Variants in NEK4 observed in about 807,000 individuals in gnomAD.
NEK4 encodes serine/threonine-protein kinase Nek4.
Under a neutral mutation model 98.4 loss-of-function variants are expected in NEK4, and 86 were observed. That is an observed-to-expected ratio of 0.87 (90% CI 0.73 to 1.05). NEK4 has a LOEUF of 1.05. Ranked by LOEUF, NEK4 falls within the 50% of genes least tolerant of loss-of-function variation. The probability of loss-of-function intolerance (pLI) is 0.00; values close to 1 mark genes in which losing one functional copy is unlikely to be tolerated. For missense variants in NEK4, 898 were observed against 950.3 expected, an observed-to-expected ratio of 0.94 and a Z score of 0.72; for synonymous variants, 328 against 342.2, an observed-to-expected ratio of 0.96 and a Z score of 0.46.
In NEK4 at chr3:52,710,316, G is replaced by A. The variant is rs2097349146; in HGVS notation, c.*1461C>T. 1 of 151,398 alleles carries A rather than the reference G, an allele frequency of 6.6e-6. No homozygotes were observed. The highest frequency in any genetic ancestry group is 6.6e-5 in the Admixed American group (1 of 15,220). 9.4% of individuals were successfully genotyped at this position (151,398 alleles called of 1,614,324 possible). ...GGAGGCGGAGCTTGCAGTGATCTGA[G>A]ATTGGGCCACTGCACTTCAGCCTGG... On this transcript the variant is annotated 3_prime_UTR_variant, in exon 16 of 16. Coordinates refer to ENST00000233027, the MANE Select transcript of NEK4 (RefSeq NM_003157.6).
chr3:52,756,079 T>C (rs2097414612), intron 6 of NEK4, among the ~76,000 whole-genome samples: 1 of 152,214 alleles, frequency 6.6e-6, no homozygotes, highest in African/African-American at 2.4e-5. Context: ...TGTTCATGGA[T>C]TGAAAGACTT....
intron 11 of NEK4, 93 bp downstream of exon 11, chr3:52,744,146 A>G (rs1226620197): frequency 2.3e-6 from 2 of 867,080 alleles, no homozygotes; most frequent in Admixed American, 1.9e-5. Flanking sequence ...CTGCTGCTGG[A>G]AAGTTTCAAC....
At position 52,770,645 on chromosome 3, in the gene NEK4, C is replaced by A; in HGVS notation, c.93+9G>T. The A allele has an allele frequency of 1.3e-6, 2 of 1,547,794 alleles. No homozygotes were observed. The highest frequency in any genetic ancestry group is 1.7e-6 in the Non-Finnish European group (2 of 1,145,896). ...CCCCCGCCCCTTGCCGGGCCCCACC[C>A]CTGCAGACCTGCTTGCCGTCCCGCC... On this transcript the variant is annotated intron_variant, in intron 1 of 15. Coordinates refer to ENST00000233027, the MANE Select transcript of NEK4 (RefSeq NM_003157.6).
At position 52,753,933 on chromosome 3, in the gene NEK4, T is replaced by C. The variant is rs569176805; in HGVS notation, c.964-1597A>G. 1.2e-3 allele frequency: 368 copies of C among 302,336 alleles called. 1 individual carries two copies. The highest frequency in any genetic ancestry group is 7.4e-3 in the African/African-American group (336 of 45,132). The allele number at this position is 302,336 out of a possible 1,614,324, so 18.7% of individuals were successfully genotyped here. On this transcript the variant is annotated intron_variant, in intron 6 of 15. Coordinates refer to ENST00000233027, the MANE Select transcript of NEK4 (RefSeq NM_003157.6). ...ACCTATAATCCCAGCACTTTGAGAG[T>C]CCGAGGCGGTGGAGCACTCAGGAGT... is the stretch of plus-strand genomic sequence containing the variant.
chr3:52,754,803 G>A (rs143302658), intron 6 of NEK4: 190 of 316,328 alleles, frequency 6.0e-4, no homozygotes, highest in African/African-American at 3.8e-3. Flanking sequence ...GCCGGGCACC[G>A]TGGCTCATGC....
At chr3:52,722,168 C>T (rs1029118102) in intron 15 of NEK4, among the ~76,000 whole-genome samples, 1 of 152,196 alleles carries the variant, frequency 6.6e-6, no homozygotes, top group Non-Finnish European at 1.5e-5. Flanking sequence ...GACTTCCCCA[C>T]CTTAAGGTAG....
chr3:52,741,646 CAT>C (rs972572782), intron 12 of NEK4, 147 bp from the exon 13 acceptor site: 2 of 514,930 alleles, frequency 3.9e-6, no homozygotes, highest in African/African-American at 3.9e-5. Flanking sequence ...AAATTGTTCC[CAT>C]ATGATTTGTG....
rs758914896 is a variant in NEK4 at position 52,760,791 on chromosome 3, G to A, written c.963+4C>T. On this transcript the variant is annotated splice_donor_region_variant and intron_variant, in intron 6 of 15. Transcript: ENST00000233027. ...AAACACATACCCTTTAAAAAGAAAC[G>A]TACCATTATATATGTCTGGGAGCCC... 1.3e-5 allele frequency: 21 copies of A among 1,595,520 alleles called. No homozygotes were observed. The highest frequency in any genetic ancestry group is 4.1e-5 in the African/African-American group (3 of 73,920).
At chr3:52,722,573 T>C (rs1366781715) in intron 15 of NEK4, among the ~76,000 whole-genome samples, 1 of 151,742 alleles carries the variant, frequency 6.6e-6, no homozygotes, top group Non-Finnish European at 1.5e-5. Context: ...AAGAAATCAA[T>C]AGAAATTGTC....
chr3:52,760,379 G>A (rs557968038), intron 6 of NEK4, among the ~76,000 whole-genome samples: 1 of 152,188 alleles, frequency 6.6e-6, no homozygotes, highest in East Asian at 1.9e-4. Flanking sequence ...ACCACAGCCA[G>A]CTAATTTTTG....
rs1184158110 is a variant in NEK4, at chr3:52,752,010, A to C, written c.1290T>G (p.Ser430=). The C allele has an allele frequency of 3.7e-6, 6 of 1,614,212 alleles. No homozygotes were observed. The highest frequency in any genetic ancestry group is 1.7e-4 in the Middle Eastern group (1 of 6,052). The part of the protein sequence containing the change: ...QPENLIPMWS[S]DIVTGEKNEP... Reference sequence around the variant, plus strand: ...CATTCTTTTCCCCAGTGACAATGTCAGAGGACCACATGGGAATCAGGTTTT... The same window carrying C: ...CATTCTTTTCCCCAGTGACAATGTCCGAGGACCACATGGGAATCAGGTTTT... Residue 430 remains serine, a synonymous_variant, in exon 7 of 16, where the codon TCT becomes TCG. Coordinates refer to ENST00000233027, the MANE Select transcript of NEK4 (RefSeq NM_003157.6).
At chr3:52,770,614 T>TG in intron 1 of NEK4, 40 bp downstream of exon 1, 1,795 of 1,450,868 alleles carry the variant, frequency 1.2e-3, no homozygotes, top group Non-Finnish European at 1.5e-3. Context: ...GGCGCACTTC[T>TG]GCCCGCCCCC....
chr3:52,734,833 G>A, intron 15 of NEK4: 1 of 319,528 alleles, frequency 3.1e-6, no homozygotes, highest in Non-Finnish European at 6.1e-6. Context: ...TTCAGCAAGA[G>A]GATGATAAAC....
chr3:52,759,234 T>C (rs545015263), intron 6 of NEK4, among the ~76,000 whole-genome samples: 185 of 150,256 alleles, frequency 1.2e-3, no homozygotes, highest in Non-Finnish European at 2.1e-3. Context: ...TAGTAAGACA[T>C]TGTCTCTACA....
intron 6 of NEK4, among the ~76,000 whole-genome samples, chr3:52,757,933 T>G (rs1362788065): frequency 1.3e-5 from 2 of 152,100 alleles, no homozygotes; most frequent in Admixed American, 6.5e-5. Flanking sequence ...CTCAGCATTT[T>G]GGGAGGCCAA....
intron 4 of NEK4, among the ~76,000 whole-genome samples, chr3:52,764,809 G>A (rs1460250848): frequency 8.3e-6 from 1 of 119,814 alleles, no homozygotes; most frequent in African/African-American, 3.0e-5. Flanking sequence ...CACACACAGA[G>A]TTATGTCTGT....
chr3:52,744,694 A>G (rs2097392856), intron 10 of NEK4, among the ~76,000 whole-genome samples: 1 of 150,946 alleles, frequency 6.6e-6, no homozygotes, highest in East Asian at 2.0e-4. Flanking sequence ...AAAAAAAAAA[A>G]AAAAAGAAAA....
intron 6 of NEK4, among the ~76,000 whole-genome samples, chr3:52,755,580 A>T (rs1284233378): frequency 1.3e-5 from 2 of 152,194 alleles, no homozygotes; most frequent in African/African-American, 4.8e-5. Flanking sequence ...CACAGTAAAC[A>T]TCACATTTAA....
chr3:52,714,206 A>C (rs922882412), intron 15 of NEK4, among the ~76,000 whole-genome samples: 1 of 152,208 alleles, frequency 6.6e-6, no homozygotes, highest in African/African-American at 2.4e-5. Flanking sequence ...ACTGCACTCC[A>C]GCCCGGGCTA....
Sources: allele counts gnomAD v4.1 joint callset (sites outside exome capture counted in the v4.1 genomes callset), GRCh38; gene constraint gnomAD v4.1.1; transcripts MANE v1.5; gene names NCBI Gene and HGNC (gene_info 2026-07-23, HGNC 2026-07-21).